Variants in TXNDC15 observed in about 807,000 individuals in gnomAD.
TXNDC15 encodes the protein thioredoxin domain-containing protein 15.
Under a neutral mutation model 35.0 loss-of-function variants are expected in TXNDC15, and 24 were observed. That is an observed-to-expected ratio of 0.68 (90% CI 0.50 to 0.96). The LOEUF is 0.96. Among genes scored for constraint, TXNDC15 ranks in the 40% least tolerant of loss-of-function variants. The pLI, the probability that TXNDC15 is intolerant of heterozygous loss-of-function variation, is 0.00. For missense variants in TXNDC15, 385 were observed against 453.3 expected (o/e 0.85, Z 1.37); for synonymous variants, 169 against 174.0 (o/e 0.97, Z 0.23).
chr5:134,897,955 G>A (rs1385658912), intron 4 of TXNDC15, among the ~76,000 whole-genome samples: 2 of 151,936 alleles, frequency 1.3e-5, no homozygotes, highest in Non-Finnish European at 2.9e-5. Flanking sequence ...GCTGCAGTGA[G>A]CTGAGATCAC....
At chr5:134,876,638 G>C (rs1331147935) in intron 1 of TXNDC15, among the ~76,000 whole-genome samples, 2 of 152,056 alleles carry the variant, frequency 1.3e-5, no homozygotes, top group Non-Finnish European at 2.9e-5. Context: ...GTTCAGCTTG[G>C]GTCTTTGGTC....
At chr5:134,893,794 A>G in intron 3 of TXNDC15, 139 bp downstream of exon 3, 1 of 1,135,716 alleles carries the variant, frequency 8.8e-7, no homozygotes, top group South Asian at 1.4e-5. Context: ...GCAAGAGTGA[A>G]TAGTGAGGAT....
At chr5:134,881,699 T>C (rs1199590345) in intron 1 of TXNDC15, among the ~76,000 whole-genome samples, 1 of 147,568 alleles carries the variant, frequency 6.8e-6, no homozygotes, top group Non-Finnish European at 1.5e-5. Flanking sequence ...AATGAGCTGT[T>C]GGGTACACCT....
intron 1 of TXNDC15, among the ~76,000 whole-genome samples, chr5:134,879,913 A>T (rs938069629): frequency 6.6e-6 from 1 of 150,882 alleles, no homozygotes; most frequent in African/African-American, 2.4e-5. Context: ...CTCCTGCCTC[A>T]GCCTCCCAAG....
At chr5:134,883,043 A>G (rs1750192454) in intron 1 of TXNDC15, among the ~76,000 whole-genome samples, 1 of 151,652 alleles carries the variant, frequency 6.6e-6, no homozygotes, top group African/African-American at 2.4e-5. Context: ...TAATCCCAGA[A>G]TTTGGGAGGC....
intron 1 of TXNDC15, among the ~76,000 whole-genome samples, chr5:134,878,641 T>G (rs538734829): frequency 6.6e-6 from 1 of 152,360 alleles, no homozygotes; most frequent in East Asian, 1.9e-4. Context: ...TTCAGACAAC[T>G]TCTTTGCTGC....
At chr5:134,892,856 C>G (rs1275455335) in intron 2 of TXNDC15, 3 of 152,280 alleles carry the variant, frequency 2.0e-5, no homozygotes, top group Non-Finnish European at 2.9e-5. Flanking sequence ...GTCGGTGGAA[C>G]AGTCAGAACA....
At chr5:134,878,764 C>T (rs1429056857) in intron 1 of TXNDC15, among the ~76,000 whole-genome samples, 1 of 152,164 alleles carries the variant, frequency 6.6e-6, no homozygotes, top group East Asian at 1.9e-4. Flanking sequence ...ACTGGGAGGC[C>T]GAGGTGGCTG....
At chr5:134,875,262 C>T (rs1750010023) in intron 1 of TXNDC15, 2 of 456,174 alleles carry the variant, frequency 4.4e-6, no homozygotes, top group South Asian at 3.1e-5. Flanking sequence ...TCCTTCACCC[C>T]ACTCCTCATA....
rs774685404 is a variant in TXNDC15 at position 134,887,871 on chromosome 5, C to G, written c.280C>G (p.Leu94Val). 6.2e-7 allele frequency: 1 copy of G among 1,614,190 alleles called. No homozygotes were observed. The highest frequency in any genetic ancestry group is 1.7e-5 in the Admixed American group (1 of 60,028). The change falls in exon 2 of 5, where the codon CTG becomes GTG. Residue 94 changes from leucine (L) to valine (V), a missense_variant. By Grantham distance (32) the Leu-to-Val change is conservative (BLOSUM62 1). Coordinates refer to ENST00000358387, the MANE Select transcript of TXNDC15 (RefSeq NM_024715.4). ...LDTQGDHMVM[L>V]SVIPGEAEDK... Reference sequence around the variant, plus strand: ...CACCCAAGGCGATCACATGGTGATGCTGTCTGTGATTCCTGGGGAAGCTGA... The same window carrying G: ...CACCCAAGGCGATCACATGGTGATGGTGTCTGTGATTCCTGGGGAAGCTGA...
At chr5:134,883,587 CAAAAAAAAAAAA>C (rs60114636) in intron 1 of TXNDC15, among the ~76,000 whole-genome samples, 1 of 65,380 alleles carries the variant, frequency 1.5e-5, no homozygotes, top group African/African-American at 7.6e-5. Flanking sequence ...GACCCTGTCT[CAAAAAAAAAAAA>C]AAAAAAAAAA....
intron 2 of TXNDC15, chr5:134,893,279 G>A: frequency 2.0e-6 from 1 of 502,410 alleles, no homozygotes; most frequent in Non-Finnish European, 3.5e-6. Flanking sequence ...CTTAAAAAAA[G>A]TGAAAGTTTA....
rs2150189631 is a variant in TXNDC15 at position 134,893,660 on chromosome 5, C to T, written c.755+5C>T. 2 of 1,614,116 alleles carry T rather than the reference C, an allele frequency of 1.2e-6. No individual in the cohort carries two copies. ...GGATGCATCTCAGCACAGCAGGTATCTTCCATTGGTGGGGTTTACGTCCAT... is the reference window on the plus strand; with the variant it reads ...GGATGCATCTCAGCACAGCAGGTATTTTCCATTGGTGGGGTTTACGTCCAT... On this transcript the variant is annotated splice_donor_5th_base_variant and intron_variant, in intron 3 of 4. Coordinates refer to ENST00000358387, the MANE Select transcript of TXNDC15 (RefSeq NM_024715.4).
chr5:134,878,460 C>T (rs958338508), intron 1 of TXNDC15, among the ~76,000 whole-genome samples: 4 of 152,168 alleles, frequency 2.6e-5, no homozygotes, highest in African/African-American at 4.8e-5. Context: ...TGCTGTCCCT[C>T]CAACCCTTGA....
At chr5:134,891,025 C>CCACACA (rs1198647273) in intron 2 of TXNDC15, among the ~76,000 whole-genome samples, 2 of 152,214 alleles carry the variant, frequency 1.3e-5, no homozygotes, top group African/African-American at 4.8e-5. Flanking sequence ...TCTTCAGACT[C>CCACACA]CACTTCTAAT....
At chr5:134,892,074 G>A (rs192741774) in intron 2 of TXNDC15, 1 of 152,074 alleles carries the variant, frequency 6.6e-6, no homozygotes, top group Non-Finnish European at 1.5e-5. Context: ...CCAATAGAAG[G>A]CTGTCTTATC....
Position 134,893,641 on chromosome 5 carries a change from A to C in TXNDC15, c.741A>C (p.Ala247=). 1 of 1,614,144 alleles carries C rather than the reference A, an allele frequency of 6.2e-7. No homozygotes were observed. The highest frequency in any genetic ancestry group is 8.5e-7 in the Non-Finnish European group (1 of 1,180,030). ...CTCTTCACTTTTTGGCACTGGATGC[A>C]TCTCAGCACAGCAGGTATCTTCCAT... ...FPALHFLALD[A]SQHSSLSTRF... The change falls in exon 3 of 5, where the codon GCA becomes GCC. Residue 247 remains alanine, a synonymous_variant. Transcript: ENST00000358387.
intron 1 of TXNDC15, 100 bp from the exon 2 acceptor site, chr5:134,887,595 C>T: frequency 6.8e-7 from 1 of 1,463,448 alleles, no homozygotes; most frequent in South Asian, 1.4e-5. Context: ...ACCTTTTTGT[C>T]TCCAGAGGGG....
intron 1 of TXNDC15, among the ~76,000 whole-genome samples, chr5:134,885,159 T>G (rs1413764735): frequency 6.6e-6 from 1 of 152,152 alleles, no homozygotes; most frequent in Non-Finnish European, 1.5e-5. Context: ...TGACCTCAGG[T>G]GATCCACCCA....
Sources: allele counts gnomAD v4.1 joint callset (sites outside exome capture counted in the v4.1 genomes callset), GRCh38; gene constraint gnomAD v4.1.1; transcripts MANE v1.5; gene names NCBI Gene and HGNC (gene_info 2026-07-23, HGNC 2026-07-21).